The following FBXO28 variants were observed in gnomAD, a reference collection of about 807,000 sequenced individuals.
FBXO28 encodes F-box only protein 28.
In FBXO28, 8 loss-of-function variants were observed where a neutral mutation model predicts 38.1. That is an observed-to-expected ratio of 0.21 (90% CI 0.12 to 0.38). The LOEUF (loss-of-function observed/expected upper bound fraction) is 0.38. Ranked by LOEUF, FBXO28 falls within the 10% of genes least tolerant of loss-of-function variation. The pLI is 1.00. For synonymous variants in FBXO28, 168 were observed against 173.8 expected (o/e 0.97, Z 0.26); for missense variants, 345 against 460.6 (o/e 0.75, Z 2.30).
At chr1:224,136,585 G>A (rs1304314044) in intron 3 of FBXO28, among the ~76,000 whole-genome samples, 2 of 151,162 alleles carry the variant, frequency 1.3e-5, no homozygotes, top group Non-Finnish European at 2.9e-5. Context: ...AAAACTAGCT[G>A]GGCATGGTGG....
Position 224,157,882 on chromosome 1 carries a change from A to T in FBXO28, c.*136A>T. Reference sequence around the variant, plus strand: ...GAACACAACTTAAACTTGAACTCTTATGGTTGGGACATTCTTTTCCTGCTT... The same window carrying T: ...GAACACAACTTAAACTTGAACTCTTTTGGTTGGGACATTCTTTTCCTGCTT... On this transcript the variant is annotated 3_prime_UTR_variant, in exon 5 of 5. Transcript: ENST00000366862. 7.0e-7 allele frequency: 1 copy of T among 1,433,180 alleles called. No individual in the cohort carries two copies. The highest frequency in any genetic ancestry group is 9.1e-7 in the Non-Finnish European group (1 of 1,100,096). 88.8% of individuals were successfully genotyped at this position (1,433,180 alleles called of 1,614,324 possible).
chr1:224,128,411 C>A (rs1572010307), intron 1 of FBXO28, among the ~76,000 whole-genome samples: 1 of 151,528 alleles, frequency 6.6e-6, no homozygotes, highest in African/African-American at 2.4e-5. Context: ...AAGAAAGATG[C>A]TAGGATATCT....
rs144526802 is a variant in FBXO28 at position 224,131,471 on chromosome 1, A to C, written c.377+890A>C. 7.9e-3 allele frequency among the ~76,000 whole-genome samples: 1,210 copies of C among 152,356 alleles called. 12 individuals carry two copies. Among genetic ancestry groups the C allele is most frequent in the Middle Eastern group, 0.031 (9 of 294 alleles). ...AACAGTATGGCACTGGCATAAGGATAGACCTGTAGATCAAAGAAGCAAAAG... is the reference window on the plus strand; with the variant it reads ...AACAGTATGGCACTGGCATAAGGATCGACCTGTAGATCAAAGAAGCAAAAG... On this transcript the variant is annotated intron_variant, in intron 2 of 4. Transcript: ENST00000366862.
intron 1 of FBXO28, among the ~76,000 whole-genome samples, chr1:224,126,026 G>A (rs940063946): frequency 2.6e-5 from 4 of 152,154 alleles, no homozygotes; most frequent in East Asian, 3.8e-4. Flanking sequence ...ATCTGTCTTC[G>A]GAAGTAGTTT....
At chr1:224,130,717 C>G in intron 2 of FBXO28, 136 bp downstream of exon 2, 1 of 581,774 alleles carries the variant, frequency 1.7e-6, no homozygotes, top group Non-Finnish European at 3.1e-6. Flanking sequence ...AATGTGATTT[C>G]TGCAGTGGTT....
chr1:224,136,450 G>A (rs908285980), intron 3 of FBXO28, among the ~76,000 whole-genome samples: 4 of 151,776 alleles, frequency 2.6e-5, no homozygotes, highest in South Asian at 2.1e-4. Flanking sequence ...TAGGCCGGGC[G>A]CGGTAGCTCA....
chr1:224,131,001 A>G (rs780613821), intron 2 of FBXO28: 1 of 153,224 alleles, frequency 6.5e-6, no homozygotes, highest in Non-Finnish European at 1.5e-5. Flanking sequence ...AATTCAAAAC[A>G]TTTTATCATA....
intron 1 of FBXO28, 118 bp downstream of exon 1, chr1:224,114,514 G>C: frequency 2.3e-6 from 2 of 882,660 alleles, no homozygotes; most frequent in Non-Finnish European, 3.4e-6. Flanking sequence ...CTACAGATCT[G>C]GGAGGGAGCC....
Position 224,158,102 on chromosome 1 carries a change from T to C in FBXO28, c.*356T>C. The C allele has an allele frequency of 9.9e-7, 1 of 1,005,306 alleles. No homozygotes were observed. The highest frequency in any genetic ancestry group is 1.2e-6 in the Non-Finnish European group (1 of 843,586). 62.3% of individuals were successfully genotyped at this position (1,005,306 alleles called of 1,614,324 possible). A position where few individuals can be genotyped will look rare whatever the true frequency, so the allele number is the denominator to read the frequency against. ...CAGTCTTGACAGACTAGAAGTTAAG[T>C]TTAATACAGAAAATGTCCTGTTCAC... On this transcript the variant is annotated 3_prime_UTR_variant, in exon 5 of 5. Coordinates refer to ENST00000366862, the MANE Select transcript of FBXO28 (RefSeq NM_015176.4).
chr1:224,117,779 G>GA (rs1656675743), intron 1 of FBXO28, among the ~76,000 whole-genome samples: 1 of 151,660 alleles, frequency 6.6e-6, no homozygotes, highest in Non-Finnish European at 1.5e-5. Flanking sequence ...AGGCCAGGGT[G>GA]GGCGGATCAC....
Position 224,161,921 on chromosome 1 carries a change from G to A in FBXO28, c.*4175G>A, listed in dbSNP as rs1657915937. On this transcript the variant is annotated 3_prime_UTR_variant, in exon 5 of 5. Coordinates refer to ENST00000366862, the MANE Select transcript of FBXO28 (RefSeq NM_015176.4). ...ACCATGTCTGTTTACCTATGCTTAT[G>A]AGCAACAATAAATTACTAGTTTACC... 3 of 152,156 alleles carry A rather than the reference G, an allele frequency of 2.0e-5. No homozygotes were observed. The South Asian group carries it at 6.2e-4, about 32-fold the overall frequency. 9.4% of individuals were successfully genotyped at this position (152,156 alleles called of 1,614,324 possible).
intron 3 of FBXO28, among the ~76,000 whole-genome samples, chr1:224,138,354 G>A (rs1280310805): frequency 6.6e-6 from 1 of 151,908 alleles, no homozygotes; most frequent in Non-Finnish European, 1.5e-5. Context: ...CGCTGTGACA[G>A]CTATGCAATT....
At chr1:224,126,352 G>A (rs1656903836) in intron 1 of FBXO28, among the ~76,000 whole-genome samples, 2 of 152,186 alleles carry the variant, frequency 1.3e-5, no homozygotes, top group Non-Finnish European at 2.9e-5. Context: ...AGCAGTAATT[G>A]ACCTTAATTT....
intron 1 of FBXO28, among the ~76,000 whole-genome samples, chr1:224,127,499 A>T (rs1186542355): frequency 6.6e-6 from 1 of 152,208 alleles, no homozygotes; most frequent in Admixed American, 6.5e-5. Flanking sequence ...ACTTTTCGTT[A>T]AAAGCAGTTA....
intron 2 of FBXO28, 151 bp from the exon 3 acceptor site, chr1:224,133,923 A>AT: frequency 2.0e-6 from 1 of 488,604 alleles, no homozygotes; most frequent in Non-Finnish European, 3.4e-6. Flanking sequence ...ATAGTGATTC[A>AT]TTCATCATTA....
chr1:224,152,925 CAAAAAAAAAAA>C (rs57616453), intron 3 of FBXO28, among the ~76,000 whole-genome samples: 7 of 64,890 alleles, frequency 1.1e-4, no homozygotes, highest in Admixed American at 2.2e-4. Context: ...AACTCTGTCT[CAAAAAAAAAAA>C]AAAAAAAAAA....
In FBXO28 at chr1:224,114,413, A is replaced by C; in HGVS notation, c.267+17A>C. 1 of 1,532,744 alleles carries C rather than the reference A, an allele frequency of 6.5e-7. No individual in the cohort carries two copies. Among genetic ancestry groups the C allele is most frequent in the East Asian group, 2.4e-5 (1 of 40,998 alleles). The allele number at this position is 1,532,744 out of a possible 1,614,324, so 94.9% of individuals were successfully genotyped here. ...CTCCGCCTGGTGAGGCCCCCGCAGA[A>C]CTCCTGCCTCCCTCTCCCCCCGGCC... On this transcript the variant is annotated intron_variant, in intron 1 of 4. Coordinates refer to ENST00000366862, the MANE Select transcript of FBXO28 (RefSeq NM_015176.4).
chr1:224,128,989 A>T (rs1296543581), intron 1 of FBXO28, among the ~76,000 whole-genome samples: 1 of 151,384 alleles, frequency 6.6e-6, no homozygotes, highest in East Asian at 1.9e-4. Context: ...CTGTCAAAAA[A>T]AAAAAAAAAA....
At chr1:224,154,170 C>A (rs1657713056) in intron 4 of FBXO28, among the ~76,000 whole-genome samples, 1 of 152,194 alleles carries the variant, frequency 6.6e-6, no homozygotes, top group Non-Finnish European at 1.5e-5. Flanking sequence ...TTAGCCTAAC[C>A]TACCTTAAAC....
Sources: gnomAD v4.1 joint callset for allele counts (sites outside exome capture counted in the v4.1 genomes callset) on GRCh38, gnomAD v4.1.1 for gene constraint, MANE v1.5 for transcripts, NCBI Gene and HGNC (gene_info 2026-07-23, HGNC 2026-07-21) for gene names.